ME3: variants seen among roughly 807,000 people sequenced by gnomAD.
ME3 encodes NADP-dependent malic enzyme, mitochondrial.
A neutral mutation model predicts 68.9 loss-of-function variants in ME3; 48 were observed. The observed-to-expected ratio is 0.70, with a 90% CI of 0.55 to 0.89. ME3 has a LOEUF of 0.89. Ranked by LOEUF, ME3 falls within the 40% of genes least tolerant of loss-of-function variation. The pLI is 0.00. For missense variants in ME3, 675 were observed against 797.4 expected (o/e 0.85, Z 1.85); for synonymous variants, 320 against 318.8 (o/e 1.00, Z -0.04).
At chr11:86,447,017 T>C in intron 12 of ME3, 48 bp downstream of exon 12, 1 of 1,596,250 alleles carries the variant, frequency 6.3e-7, no homozygotes, top group Non-Finnish European at 8.5e-7. Flanking sequence ...CTCATTGTAA[T>C]TGTTACTATG....
At chr11:86,550,417 A>C (rs1423865523) in intron 4 of ME3, among the ~76,000 whole-genome samples, 1 of 152,180 alleles carries the variant, frequency 6.6e-6, no homozygotes, top group Non-Finnish European at 1.5e-5. Context: ...GATTGAGGGC[A>C]AGAACCCAGA....
At chr11:86,584,260 A>G (rs1314305518) in intron 2 of ME3, among the ~76,000 whole-genome samples, 2 of 152,126 alleles carry the variant, frequency 1.3e-5, no homozygotes, top group Non-Finnish European at 2.9e-5. Context: ...TAAAACCACA[A>G]TGTGTTATTA....
chr11:86,658,449 A>G (rs1946062979), intron 2 of ME3, among the ~76,000 whole-genome samples: 1 of 151,958 alleles, frequency 6.6e-6, no homozygotes, highest in Non-Finnish European at 1.5e-5. Context: ...CTTGCAAATA[A>G]TATATGTAAC....
At chr11:86,499,283 G>C (rs1437709932) in intron 5 of ME3, among the ~76,000 whole-genome samples, 1 of 152,200 alleles carries the variant, frequency 6.6e-6, no homozygotes, top group Non-Finnish European at 1.5e-5. Flanking sequence ...GAGTCAGACT[G>C]TGAAAGACCT....
In ME3 at chr11:86,530,265, A is replaced by T. The variant is rs184460003; in HGVS notation, c.468-21398T>A. Among the ~76,000 whole-genome samples, 466 of 152,322 alleles carry T rather than the reference A, an allele frequency of 3.1e-3. 5 individuals are homozygous for T. Among genetic ancestry groups the T allele is most frequent in the African/African-American group, 0.011 (454 of 41,572 alleles). ...CATTCACAAATGCTTCAAAGAGAAT[A>T]AAATACCTAGGAATCCAACTTACAA... On this transcript the variant is annotated intron_variant, in intron 4 of 14. Transcript: ENST00000543262.
exon 3 of ME3, chr11:86,559,745 C>G: frequency 1.2e-6 from 2 of 1,613,988 alleles, no homozygotes; most frequent in Non-Finnish European, 1.7e-6. Context: ...AGGAGCTGGA[C>G]GTCCTGGCTC....
intron 2 of ME3, among the ~76,000 whole-genome samples, chr11:86,647,813 C>G (rs1218323567): frequency 6.6e-6 from 1 of 152,136 alleles, no homozygotes; most frequent in Admixed American, 6.5e-5. Flanking sequence ...TAGTGGGAGA[C>G]TTTAACACCC....
intron 2 of ME3, among the ~76,000 whole-genome samples, chr11:86,645,908 C>A (rs1437439417): frequency 1.3e-5 from 2 of 152,212 alleles, no homozygotes; most frequent in African/African-American, 4.8e-5. Flanking sequence ...TCCAGGCAAA[C>A]AGGGTCTGGA....
intron 4 of ME3, among the ~76,000 whole-genome samples, chr11:86,511,839 G>A (rs1565881546): frequency 6.6e-6 from 1 of 152,034 alleles, no homozygotes; most frequent in African/African-American, 2.4e-5. Context: ...CTTTTGAGAT[G>A]TTTTTCAGAT....
intron 3 of ME3, 95 bp downstream of exon 3, chr11:86,559,595 T>C (rs1337578201): frequency 2.8e-6 from 4 of 1,432,076 alleles, no homozygotes; most frequent in Non-Finnish European, 3.7e-6. Context: ...CAGCCTTTTT[T>C]AGCTGGAGAG....
At chr11:86,443,618 A>C (rs1297493421) in intron 13 of ME3, among the ~76,000 whole-genome samples, 1 of 152,212 alleles carries the variant, frequency 6.6e-6, no homozygotes, top group Non-Finnish European at 1.5e-5. Context: ...ATCTACTCCC[A>C]CTGAGGCTTC....
rs559993989 is a variant in ME3 at position 86,634,626 on chromosome 11, A to G, written c.183+37136T>C. ...ATACCTGGGGTATTGTCTACTATGC[A>G]TGAAGGCTCAAGTTAGAGACAGGAT... On this transcript the variant is annotated intron_variant, in intron 2 of 14. Coordinates refer to ENST00000543262, the Ensembl canonical transcript of ME3. Among the ~76,000 whole-genome samples, 14 of 152,364 alleles carry G rather than the reference A, an allele frequency of 9.2e-5. No homozygotes were observed. The East Asian group carries it at 1.9e-3, about 21-fold the overall frequency.
intron 2 of ME3, among the ~76,000 whole-genome samples, chr11:86,663,141 C>A (rs73514370): frequency 6.8e-4 from 104 of 152,306 alleles, no homozygotes; most frequent in African/African-American, 2.4e-3. Flanking sequence ...AGAATCAAGA[C>A]AAAATGCTTT....
chr11:86,560,383 C>T (rs1442380929), intron 2 of ME3, among the ~76,000 whole-genome samples: 2 of 152,106 alleles, frequency 1.3e-5, no homozygotes, highest in African/African-American at 2.4e-5. Context: ...TTCCTGAGGC[C>T]TCCCCAGACA....
chr11:86,652,604 T>A (rs1389273538), intron 2 of ME3, among the ~76,000 whole-genome samples: 2 of 151,756 alleles, frequency 1.3e-5, no homozygotes, highest in Admixed American at 1.3e-4. Context: ...GCACTAAACA[T>A]GGAAAGGAAC....
intron 7 of ME3, among the ~76,000 whole-genome samples, chr11:86,467,362 A>G (rs1488982558): frequency 1.3e-5 from 2 of 151,974 alleles, no homozygotes; most frequent in Non-Finnish European, 2.9e-5. Context: ...GTGTCTCCCC[A>G]CCCACCATCC....
intron 8 of ME3, among the ~76,000 whole-genome samples, chr11:86,456,460 C>T (rs1453795278): frequency 1.3e-5 from 2 of 152,044 alleles, no homozygotes; most frequent in Non-Finnish European, 2.9e-5. Flanking sequence ...AACAGTTGTA[C>T]AGATGAGGAA....
rs117578240 is a variant in ME3, at chr11:86,640,295, G to T, written c.183+31467C>A. On this transcript the variant is annotated intron_variant, in intron 2 of 14. Coordinates refer to ENST00000543262, the Ensembl canonical transcript of ME3. ...AACACGTTAGCTTCTAGCACAAAAG[G>T]CAAGCAAAGTATTGAAAGAAGGAGA... is the stretch of plus-strand genomic sequence containing the variant. Among the ~76,000 whole-genome samples the T allele has an allele frequency of 3.7e-4, 57 of 152,318 alleles. No homozygotes were observed. The East Asian group carries it at 0.011, about 28-fold the overall frequency.
chr11:86,628,858 G>A (rs1206249830), intron 2 of ME3, among the ~76,000 whole-genome samples: 1 of 152,156 alleles, frequency 6.6e-6, no homozygotes, highest in African/African-American at 2.4e-5. Flanking sequence ...AAGTCTATGA[G>A]GAAGGAGAAA....
Sources: gnomAD v4.1 joint callset for allele counts (sites outside exome capture counted in the v4.1 genomes callset) on GRCh38, gnomAD v4.1.1 for gene constraint, MANE v1.5 for transcripts, NCBI Gene and HGNC (gene_info 2026-07-23, HGNC 2026-07-21) for gene names.